MAF: variants seen among roughly 807,000 people sequenced by gnomAD.
MAF encodes the protein transcription factor Maf.
Under a neutral mutation model 22.0 loss-of-function variants are expected in MAF, and 10 were observed. The ratio of observed to expected loss-of-function variants is 0.45; its 90% CI spans 0.28 to 0.77. The LOEUF (loss-of-function observed/expected upper bound fraction) is 0.77, where lower values mean the gene tolerates loss of function less well. Ranked by LOEUF, MAF falls within the 30% of genes least tolerant of loss-of-function variation. The pLI is 0.12. For missense variants in MAF, 544 were observed against 548.4 expected (o/e 0.99, Z 0.08); for synonymous variants, 337 against 255.8 (o/e 1.32, Z -3.03).
the MAF span, among the ~76,000 whole-genome samples, chr16:79,208,638 T>TAAAGAGCAC: frequency 4.0e-5 from 6 of 151,508 alleles, no homozygotes; most frequent in Non-Finnish European, 8.9e-5. Flanking sequence ...TAAATTTTTT[T>TAAAGAGCAC]TTTAATCAGT....
At chr16:79,277,699 G>A in the MAF span, among the ~76,000 whole-genome samples, 1 of 152,158 alleles carries the variant, frequency 6.6e-6, no homozygotes, top group Non-Finnish European at 1.5e-5. Flanking sequence ...ATGTGACCAG[G>A]AGGGAGTTAC....
the MAF span, among the ~76,000 whole-genome samples, chr16:79,541,090 TTAC>T: frequency 1.3e-5 from 2 of 152,274 alleles, no homozygotes; most frequent in East Asian, 1.9e-4. Context: ...ACTATTCCTG[TTAC>T]TACTAGAGCT....
the MAF span, among the ~76,000 whole-genome samples, chr16:79,413,245 T>G: frequency 7.1e-5 from 4 of 56,282 alleles, no homozygotes; most frequent in African/African-American, 2.0e-4. Context: ...TTTTTTTTTT[T>G]TTTTTTTTTT....
the MAF span, among the ~76,000 whole-genome samples, chr16:79,240,487 GAA>G: frequency 3.3e-5 from 2 of 60,730 alleles, no homozygotes; most frequent in Non-Finnish European, 5.0e-5. Flanking sequence ...AGCATCTCTG[GAA>G]AAAAAAAAAA....
chr16:79,597,004 T>C, intron 1 of MAF: 1 of 1,054,106 alleles, frequency 9.5e-7, no homozygotes, highest in Non-Finnish European at 1.1e-6. Flanking sequence ...CCTACAGATA[T>C]AAACAGGGGC....
At chr16:79,456,094 G>C in the MAF span, among the ~76,000 whole-genome samples, 1 of 152,116 alleles carries the variant, frequency 6.6e-6, no homozygotes, top group African/African-American at 2.4e-5. Flanking sequence ...AAATTCTACA[G>C]GGAAAACAGG....
the MAF span, among the ~76,000 whole-genome samples, chr16:79,260,727 GTTC>G: frequency 6.6e-6 from 1 of 152,032 alleles, no homozygotes; most frequent in Non-Finnish European, 1.5e-5. Flanking sequence ...GTGAATAAAT[GTTC>G]TTCATTTTCA....
chr16:79,527,505 T>C, the MAF span, among the ~76,000 whole-genome samples: 2 of 152,218 alleles, frequency 1.3e-5, no homozygotes, highest in African/African-American at 4.8e-5. Context: ...CCTTTTCTTA[T>C]GCCAACATTT....
the MAF span, among the ~76,000 whole-genome samples, chr16:79,258,754 T>C: frequency 6.6e-6 from 1 of 152,142 alleles, no homozygotes; most frequent in Non-Finnish European, 1.5e-5. Flanking sequence ...ACATCCCCTC[T>C]CCCTTCAAGA....
At chr16:79,570,764 C>A in the MAF span, among the ~76,000 whole-genome samples, 1 of 152,166 alleles carries the variant, frequency 6.6e-6, no homozygotes, top group Non-Finnish European at 1.5e-5. Flanking sequence ...TGAGAAGATA[C>A]AATACAACTG....
the MAF span, among the ~76,000 whole-genome samples, chr16:79,413,093 T>C: frequency 6.6e-6 from 1 of 152,088 alleles, no homozygotes; most frequent in Non-Finnish European, 1.5e-5. Flanking sequence ...CTTTTCTTTC[T>C]CATAAACTCA....
chr16:79,333,414 A>G, the MAF span, among the ~76,000 whole-genome samples: 1 of 152,180 alleles, frequency 6.6e-6, no homozygotes, highest in African/African-American at 2.4e-5. Context: ...TCAGTGGGGC[A>G]GACCAAAGAG....
chr16:79,586,557 A>G (rs765524826), intron 1 of MAF, among the ~76,000 whole-genome samples: 23 of 152,242 alleles, frequency 1.5e-4, no homozygotes, highest in Non-Finnish European at 3.1e-4. Flanking sequence ...AGTGCTTAGA[A>G]CGGTGATATG....
the MAF span, among the ~76,000 whole-genome samples, chr16:79,379,014 T>G: frequency 6.6e-6 from 1 of 152,244 alleles, no homozygotes; most frequent in African/African-American, 2.4e-5. Context: ...ACCATTATTC[T>G]GATTTTGTGC....
chr16:79,526,429 G>A, the MAF span, among the ~76,000 whole-genome samples: 1 of 152,192 alleles, frequency 6.6e-6, no homozygotes, highest in Non-Finnish European at 1.5e-5. Context: ...GGGAGTGGCT[G>A]TATATACACG....
At chr16:79,558,821 T>C in the MAF span, among the ~76,000 whole-genome samples, 1 of 152,222 alleles carries the variant, frequency 6.6e-6, no homozygotes. Context: ...AGCCTAGTTC[T>C]CATTTGATTA....
the MAF span, among the ~76,000 whole-genome samples, chr16:79,470,864 T>C: frequency 6.6e-6 from 1 of 152,214 alleles, no homozygotes; most frequent in African/African-American, 2.4e-5. Flanking sequence ...TTTGTCACCA[T>C]TTCTCATCCA....
At chr16:79,356,996 C>T in the MAF span, among the ~76,000 whole-genome samples, 3 of 152,172 alleles carry the variant, frequency 2.0e-5, no homozygotes, top group Non-Finnish European at 2.9e-5. Context: ...GTGGCTCATG[C>T]CTGTAATCCC....
chr16:79,450,548 G>A, the MAF span, among the ~76,000 whole-genome samples: 9 of 152,308 alleles, frequency 5.9e-5, no homozygotes, highest in East Asian at 9.6e-4. Context: ...AACTAGTGAA[G>A]AACGTGCTCA....
Sources: allele counts gnomAD v4.1 joint callset (sites outside exome capture counted in the v4.1 genomes callset), GRCh38; gene constraint gnomAD v4.1.1; transcripts MANE v1.5; gene names NCBI Gene and HGNC (gene_info 2026-07-23, HGNC 2026-07-21).